NALF1: variants seen among roughly 807,000 people sequenced by gnomAD.
NALF1 encodes the protein family with sequence similarity 155 member A.
Under a neutral mutation model 48.4 loss-of-function variants are expected in NALF1, and 3 were observed. The ratio of observed to expected loss-of-function variants is 0.06; its 90% CI spans 0.03 to 0.16. The LOEUF is 0.16. Among genes scored for constraint, NALF1 ranks in the 10% least tolerant of loss-of-function variants. NALF1 has a pLI of 1.00. For synonymous variants in NALF1, 262 were observed against 245.7 expected (o/e 1.07, Z -0.62); for missense variants, 526 against 571.5 (o/e 0.92, Z 0.81).
At chr13:107,684,771 C>G (rs575642102) in intron 1 of NALF1, among the ~76,000 whole-genome samples, 1 of 152,200 alleles carries the variant, frequency 6.6e-6, no homozygotes, top group Non-Finnish European at 1.5e-5. Context: ...CTTATCAACA[C>G]GCACAGATGT....
intron 1 of NALF1, among the ~76,000 whole-genome samples, chr13:107,408,422 A>T (rs1357067570): frequency 1.3e-5 from 2 of 151,118 alleles, no homozygotes; most frequent in Non-Finnish European, 3.0e-5. Context: ...TATACCCACA[A>T]TTTTTTTTTA....
chr13:107,644,638 C>CATATATATAT (rs1170442694), intron 1 of NALF1, among the ~76,000 whole-genome samples: 3 of 43,330 alleles, frequency 6.9e-5, no homozygotes, highest in African/African-American at 1.3e-4. Context: ...TACATACATA[C>CATATATATAT]ATACATACAT....
At chr13:107,715,454 G>A (rs968252314) in intron 1 of NALF1, among the ~76,000 whole-genome samples, 12 of 152,030 alleles carry the variant, frequency 7.9e-5, no homozygotes, top group African/African-American at 2.7e-4. Flanking sequence ...TGCCCACCTC[G>A]GCCTCCCAAA....
intron 1 of NALF1, among the ~76,000 whole-genome samples, chr13:107,528,379 A>C (rs938459892): frequency 6.6e-6 from 1 of 152,320 alleles, no homozygotes; most frequent in South Asian, 2.1e-4. Context: ...ACTGTGTGAC[A>C]TATCAGTTAC....
At chr13:107,573,399 T>G (rs373255261) in intron 1 of NALF1, among the ~76,000 whole-genome samples, 2 of 152,090 alleles carry the variant, frequency 1.3e-5, no homozygotes, top group Non-Finnish European at 2.9e-5. Context: ...ACACCCACAG[T>G]ACTTGGCACA....
At chr13:107,757,829 T>C (rs1247305173) in intron 1 of NALF1, among the ~76,000 whole-genome samples, 2 of 152,228 alleles carry the variant, frequency 1.3e-5, no homozygotes, top group African/African-American at 2.4e-5. Flanking sequence ...TCTGAATATT[T>C]AGATTTAAAT....
intron 1 of NALF1, among the ~76,000 whole-genome samples, chr13:107,703,465 C>G (rs562530293): frequency 6.6e-6 from 1 of 151,196 alleles, no homozygotes; most frequent in East Asian, 2.0e-4. Context: ...CCTGCCTCAG[C>G]CTCCCGAGTA....
rs546021899 is a variant in NALF1 at position 107,800,958 on chromosome 13, T to C, written c.915+64724A>G. 2.6e-5 allele frequency among the ~76,000 whole-genome samples: 4 copies of C among 152,186 alleles called. No homozygotes were observed. The South Asian group carries it at 8.3e-4, about 32-fold the overall frequency. ...TTCAGAACTTCTTCTATCAATGAAC[T>C]ATCTTATACTAATTCAATTTCCTCA... On this transcript the variant is annotated intron_variant, in intron 1 of 2. Coordinates refer to ENST00000375915, the MANE Select transcript of NALF1 (RefSeq NM_001080396.3).
At chr13:107,311,204 C>T (rs1011576723) in intron 1 of NALF1, among the ~76,000 whole-genome samples, 1 of 151,918 alleles carries the variant, frequency 6.6e-6, no homozygotes, top group South Asian at 2.1e-4. Context: ...CTACAGTCTA[C>T]CTGAAAAAAG....
chr13:107,816,669 A>C (rs990342134), intron 1 of NALF1, among the ~76,000 whole-genome samples: 1 of 152,278 alleles, frequency 6.6e-6, no homozygotes, highest in South Asian at 2.1e-4. Flanking sequence ...ATGGTATACA[A>C]AAGTTTTTAT....
intron 1 of NALF1, among the ~76,000 whole-genome samples, chr13:107,716,971 G>A (rs949450210): frequency 6.6e-6 from 1 of 152,204 alleles, no homozygotes; most frequent in Non-Finnish European, 1.5e-5. Context: ...GACTCTCAGA[G>A]TTGGGAGTAA....
chr13:107,706,238 C>A lies in NALF1; in HGVS notation c.915+159444G>T, dbSNP rs538760344. 3.3e-5 allele frequency among the ~76,000 whole-genome samples: 5 copies of A among 152,272 alleles called. No individual in the cohort carries two copies. The South Asian group carries it at 1.0e-3, about 32-fold the overall frequency. Reference sequence around the variant, plus strand: ...AAAAATGCTTTTCCGCAACTCCCCACATAAAGGGGAAAGTCAATTATTAGT... The same window carrying A: ...AAAAATGCTTTTCCGCAACTCCCCAAATAAAGGGGAAAGTCAATTATTAGT... On this transcript the variant is annotated intron_variant, in intron 1 of 2. Coordinates refer to ENST00000375915, the MANE Select transcript of NALF1 (RefSeq NM_001080396.3).
chr13:107,790,395 T>C (rs1878196523), intron 1 of NALF1, among the ~76,000 whole-genome samples: 1 of 152,208 alleles, frequency 6.6e-6, no homozygotes, highest in Admixed American at 6.5e-5. Flanking sequence ...CAAAGACTAA[T>C]TTTATTTTGG....
chr13:107,709,156 A>T (rs916538600), intron 1 of NALF1, among the ~76,000 whole-genome samples: 1 of 152,262 alleles, frequency 6.6e-6, no homozygotes, highest in Non-Finnish European at 1.5e-5. Context: ...AAAATGTTAA[A>T]AATGAAGTAG....
At chr13:107,739,211 C>T (rs544197385) in intron 1 of NALF1, among the ~76,000 whole-genome samples, 68 of 151,830 alleles carry the variant, frequency 4.5e-4, no homozygotes, top group African/African-American at 1.4e-3. Context: ...CTAAGGTATG[C>T]GGGGCTTAAA....
chr13:107,814,093 A>C (rs1410236499), intron 1 of NALF1, among the ~76,000 whole-genome samples: 5 of 152,146 alleles, frequency 3.3e-5, no homozygotes. Context: ...ACAGCAGACC[A>C]CTGATTCCTA....
At chr13:107,261,755 G>C (rs1209000492) in intron 1 of NALF1, among the ~76,000 whole-genome samples, 1 of 152,150 alleles carries the variant, frequency 6.6e-6, no homozygotes, top group Non-Finnish European at 1.5e-5. Context: ...CACTGATTAA[G>C]CTGACCCTAG....
At chr13:107,213,197 C>T (rs1408660144) in intron 1 of NALF1, among the ~76,000 whole-genome samples, 3 of 131,534 alleles carry the variant, frequency 2.3e-5, no homozygotes, top group African/African-American at 8.7e-5. Context: ...ATTCTATTTC[C>T]GCTATATTTC....
At chr13:107,611,230 G>T (rs920271911) in intron 1 of NALF1, among the ~76,000 whole-genome samples, 1 of 152,214 alleles carries the variant, frequency 6.6e-6, no homozygotes, top group East Asian at 1.9e-4. Context: ...AGCTTGAAAC[G>T]GAGTCCTCTG....
Sources: allele counts gnomAD v4.1 joint callset (sites outside exome capture counted in the v4.1 genomes callset), GRCh38; gene constraint gnomAD v4.1.1; transcripts MANE v1.5; gene names NCBI Gene and HGNC (gene_info 2026-07-23, HGNC 2026-07-21).